The following HAUS3 variants were observed in gnomAD, a reference collection of about 807,000 sequenced individuals.
HAUS3 encodes the protein HAUS augmin like complex subunit 3.
HAUS3 carries 36 observed loss-of-function variants against 55.2 expected under a neutral mutation model. The observed-to-expected ratio is 0.65, with a 90% confidence interval of 0.50 to 0.86. HAUS3 has a LOEUF of 0.86. Ranked by LOEUF, HAUS3 falls within the 40% of genes least tolerant of loss-of-function variation. The pLI, the probability that HAUS3 is intolerant of heterozygous loss-of-function variation, is 0.00. For missense variants in HAUS3, 752 were observed against 671.5 expected (o/e 1.12, Z -1.33); for synonymous variants, 234 against 238.6 (o/e 0.98, Z 0.18).
In HAUS3 at chr4:2,236,297, C is replaced by T. The variant is rs2108778227; in HGVS notation, c.1509G>A (p.Arg503=). ...AQEHSFFLSK[R]NKDVDMLCDT... is the part of the protein sequence containing the mutation. The stretch of plus-strand genomic sequence containing the variant: ...CACAAAGCATGTCCACATCCTTATT[C>T]CGTTTGGACAGAAAGAAAGAATGTT... Residue 503 remains arginine, a synonymous_variant, in exon 5 of 6, where the codon CGG becomes CGA. Transcript: ENST00000443786. 6.2e-7 allele frequency: 1 copy of T among 1,613,696 alleles called. No individual in the cohort carries two copies. Among genetic ancestry groups the T allele is most frequent in the African/African-American group, 1.3e-5 (1 of 75,028 alleles).
rs749704441 is a variant in HAUS3, at chr4:2,240,627, T to G, written c.320A>C (p.Gln107Pro). 3 of 1,613,686 alleles carry G rather than the reference T, an allele frequency of 1.9e-6. No homozygotes were observed. Among genetic ancestry groups the G allele is most frequent in the Non-Finnish European group, 2.5e-6 (3 of 1,179,950 alleles). ...TAGGTTCTTTAATTTCAGTAGAGTT[T>G]GAACCTCATCCTCTAATTTCTCCAG... Reference protein sequence around the residue: ...KELEKLEDEVQTLLKLKNLKI... With the variant: ...KELEKLEDEVPTLLKLKNLKI... The change falls in exon 3 of 6, where the codon CAA becomes CCA. Residue 107 changes from glutamine to proline, a missense_variant. Gln to Pro is a moderately conservative substitution (Grantham distance 76). Transcript: ENST00000443786.
chr4:2,233,461 T>C (rs1192874899), intron 5 of HAUS3, among the ~76,000 whole-genome samples: 1 of 152,054 alleles, frequency 6.6e-6, no homozygotes, highest in Non-Finnish European at 1.5e-5. Flanking sequence ...TTTTAACATA[T>C]CTGAAATGAA....
intron 5 of HAUS3, among the ~76,000 whole-genome samples, chr4:2,235,444 A>T (rs1382714892): frequency 6.6e-6 from 1 of 152,266 alleles, no homozygotes; most frequent in Non-Finnish European, 1.5e-5. Context: ...CCATCATAGC[A>T]GTATGATCTA....
rs770333890 is a variant in HAUS3, at chr4:2,236,416, A to G, written c.1390T>C (p.Leu464=). 11 of 1,613,482 alleles carry G rather than the reference A, an allele frequency of 6.8e-6. No homozygotes were observed. Among genetic ancestry groups the G allele is most frequent in the Non-Finnish European group, 9.3e-6 (11 of 1,179,582 alleles). The change falls in exon 5 of 6, where the codon TTG becomes CTG. Residue 464 remains leucine, a synonymous_variant. Coordinates refer to ENST00000443786, the MANE Select transcript of HAUS3 (RefSeq NM_001303143.2). The part of the protein sequence containing the change: ...VLEGENKKKE[L]FLTHGNLEEV... Reference sequence around the variant, plus strand: ...TCAAGGTTTCCATGAGTTAGAAACAATTCTTTTTTCTTATTCTCTCCCTCC... The same window carrying G: ...TCAAGGTTTCCATGAGTTAGAAACAGTTCTTTTTTCTTATTCTCTCCCTCC...
In HAUS3 at chr4:2,240,445, C is replaced by G; in HGVS notation, c.502G>C (p.Ala168Pro). ...MITKISNELQ[A>P]LTDEVTQLMM... is the part of the protein sequence containing the mutation. ...AATTGTGTAACTTCATCAGTAAGAGCCTGAAGTTCATTACTGATCTTAGTG... is the reference window on the plus strand; with the variant it reads ...AATTGTGTAACTTCATCAGTAAGAGGCTGAAGTTCATTACTGATCTTAGTG... Residue 168 changes from alanine to proline, a missense_variant, in exon 3 of 6, where the codon GCT becomes CCT. By Grantham distance (27) the Ala-to-Pro change is conservative. Coordinates refer to ENST00000443786, the MANE Select transcript of HAUS3 (RefSeq NM_001303143.2). The G allele has an allele frequency of 6.2e-7, 1 of 1,613,842 alleles. No individual in the cohort carries two copies. The highest frequency in any genetic ancestry group is 1.1e-5 in the South Asian group (1 of 91,048).
In HAUS3 at chr4:2,232,062, A is replaced by C. The variant is rs1372963101; in HGVS notation, c.1677T>G (p.Thr559=). 2.5e-6 allele frequency: 4 copies of C among 1,590,358 alleles called. No homozygotes were observed. The highest frequency in any genetic ancestry group is 3.4e-6 in the Non-Finnish European group (4 of 1,162,510). Residue 559 remains threonine (T), a synonymous_variant, in exon 6 of 6, where the codon ACT becomes ACG. Transcript: ENST00000443786. ...ILADVKTKRK[T]LANNKLHQME... ...TTTGATGTAATTTATTATTTGCCAA[A>C]GTTTTTCTTTTTGTCTTCACATCAG...
intron 1 of HAUS3, 56 bp from the exon 2 acceptor site, chr4:2,241,846 G>A: frequency 2.0e-6 from 2 of 985,540 alleles, no homozygotes; most frequent in Non-Finnish European, 1.2e-6. Context: ...AGCTGCAGAA[G>A]ACGGGGGTGA....
rs1018286170 is a variant in HAUS3, at chr4:2,231,579, C to A, written c.*348G>T. The A allele has an allele frequency of 6.1e-6, 1 of 164,064 alleles. No homozygotes were observed. Among genetic ancestry groups the A allele is most frequent in the African/African-American group, 2.4e-5 (1 of 41,470 alleles). 10.2% of individuals were successfully genotyped at this position (164,064 alleles called of 1,614,324 possible). On this transcript the variant is annotated 3_prime_UTR_variant, in exon 6 of 6. Coordinates refer to ENST00000443786, the MANE Select transcript of HAUS3 (RefSeq NM_001303143.2). ...GTGCCACTGCATTCCAGCCTGGAGA[C>A]AGAGTGAGACTCTATCTCAAAAAAA... is the stretch of plus-strand genomic sequence containing the variant.
rs914715430 is a variant in HAUS3, at chr4:2,238,809, C to T, written c.1144G>A (p.Ala382Thr). The T allele has an allele frequency of 4.3e-6, 7 of 1,612,946 alleles. No individual in the cohort carries two copies. Among genetic ancestry groups the T allele is most frequent in the South Asian group, 1.1e-5 (1 of 91,064 alleles). The change falls in exon 4 of 6, where the codon GCA (alanine) becomes ACA (threonine). Residue 382 changes from alanine (A) to threonine (T), a missense_variant. By Grantham distance (58) the Ala-to-Thr change is moderately conservative (BLOSUM62 0). Transcript: ENST00000443786. ...GATAACTGTAGAAGTTCAAATGATG[C>T]CTTTTGTTTTATTAATTGATTTAAA... ...LVLNQLIKQK[A>T]SFELLQLSYE...
At chr4:2,236,097 T>C (rs1734754124) in intron 5 of HAUS3, 131 bp downstream of exon 5, 6 of 567,064 alleles carry the variant, frequency 1.1e-5, no homozygotes, top group Non-Finnish European at 1.9e-5. Flanking sequence ...AATTAGGAGA[T>C]ATAGAAATAT....
In HAUS3 at chr4:2,229,104, G is replaced by A. The variant is rs890126905; in HGVS notation, c.*2823C>T. 1.1e-5 allele frequency: 17 copies of A among 1,597,898 alleles called. No individual in the cohort carries two copies. Among genetic ancestry groups the A allele is most frequent in the South Asian group, 2.3e-5 (2 of 88,832 alleles). On this transcript the variant is annotated 3_prime_UTR_variant, in exon 6 of 6. Coordinates refer to ENST00000443786, the MANE Select transcript of HAUS3 (RefSeq NM_001303143.2). The stretch of plus-strand genomic sequence containing the variant: ...GGTTCATAAAAATTACTTACTCTCT[G>A]TACTCTTTCCCCAAGTCTTAGAATC...
At chr4:2,234,777 G>C (rs959249445) in intron 5 of HAUS3, among the ~76,000 whole-genome samples, 4 of 152,154 alleles carry the variant, frequency 2.6e-5, no homozygotes, top group Non-Finnish European at 5.9e-5. Context: ...TTGATTCACT[G>C]CAATTTAAAA....
Position 2,238,984 on chromosome 4 carries a change from T to A in HAUS3, c.969A>T (p.Lys323Asn). 1 of 1,580,562 alleles carries A rather than the reference T, an allele frequency of 6.3e-7. No homozygotes were observed. The highest frequency in any genetic ancestry group is 8.6e-7 in the Non-Finnish European group (1 of 1,168,294). Residue 323 changes from lysine (K) to asparagine (N), a missense_variant, in exon 4 of 6, where the codon AAA (lysine) becomes AAT (asparagine). By Grantham distance (94) the Lys-to-Asn change is moderately conservative. Transcript: ENST00000443786. ...TTATTTGAGTGACCTCTTTTTCAAG[T>A]TTCATAATCTCACTGGTCAAGCTAG... ...KISSLTSEIM[K>N]LEKEVTQIKD...
chr4:2,237,470 AAG>A (rs988599164), intron 4 of HAUS3, among the ~76,000 whole-genome samples: 4 of 151,752 alleles, frequency 2.6e-5, no homozygotes, highest in Non-Finnish European at 5.9e-5. Flanking sequence ...GAAGGGAAAG[AAG>A]AGAGAAAGAG....
At position 2,236,652 on chromosome 4, in the gene HAUS3, A is replaced by T. The variant is rs546202498; in HGVS notation, c.1350-196T>A. Reference sequence around the variant, plus strand: ...GGCGGGCAGATTGCCTGAGCTCAGGAGTTCGAGACCAGCCTGGGCAACATG... The same window carrying T: ...GGCGGGCAGATTGCCTGAGCTCAGGTGTTCGAGACCAGCCTGGGCAACATG... On this transcript the variant is annotated intron_variant, in intron 4 of 5. Coordinates refer to ENST00000443786, the MANE Select transcript of HAUS3 (RefSeq NM_001303143.2). Among the ~76,000 whole-genome samples, 14 of 152,134 alleles carry T rather than the reference A, an allele frequency of 9.2e-5. No individual in the cohort carries two copies. The East Asian group carries it at 2.7e-3, about 29-fold the overall frequency.
At chr4:2,234,836 A>G (rs773815384) in intron 5 of HAUS3, among the ~76,000 whole-genome samples, 3 of 152,196 alleles carry the variant, frequency 2.0e-5, no homozygotes, top group Non-Finnish European at 4.4e-5. Flanking sequence ...TATAACTTAT[A>G]AAATAGACTC....
Position 2,240,869 on chromosome 4 carries a change from G to T in HAUS3, c.78C>A (p.Asp26Glu). 1 of 1,611,488 alleles carries T rather than the reference G, an allele frequency of 6.2e-7. No homozygotes were observed. The highest frequency in any genetic ancestry group is 8.5e-7 in the Non-Finnish European group (1 of 1,179,734). ...YPKADNLNGE[D>E]FDWLFEGVED... ...CAACGCCCTCAAACAACCAGTCAAA[G>T]TCTTCTCCATTAAGATTATCAGCTT... The change falls in exon 3 of 6, where the codon GAC becomes GAA. Residue 26 changes from aspartate (D) to glutamate (E), a missense_variant. Coordinates refer to ENST00000443786, the MANE Select transcript of HAUS3 (RefSeq NM_001303143.2).
rs991847125 is a variant in HAUS3, at chr4:2,229,000, C to A, written c.*2927G>T. ...GAGTGTAAAAGGGGCGGGAGCTGGG[C>A]TTCATCTGTCTACATGCATTCCATT... On this transcript the variant is annotated 3_prime_UTR_variant, in exon 6 of 6. Transcript: ENST00000443786. 3.3e-6 allele frequency: 4 copies of A among 1,214,510 alleles called. No individual in the cohort carries two copies. The highest frequency in any genetic ancestry group is 2.5e-5 in the Admixed American group (1 of 40,346). 75.2% of individuals were successfully genotyped at this position (1,214,510 alleles called of 1,614,324 possible).
intron 5 of HAUS3, 151 bp from the exon 6 acceptor site, chr4:2,232,311 C>T: frequency 2.1e-6 from 1 of 478,982 alleles, no homozygotes; most frequent in Admixed American, 4.1e-5. Flanking sequence ...AAATCCATAA[C>T]AGGTTTAATA....
Sources: gnomAD v4.1 joint callset for allele counts (sites outside exome capture counted in the v4.1 genomes callset) on GRCh38, gnomAD v4.1.1 for gene constraint, MANE v1.5 for transcripts, NCBI Gene and HGNC (gene_info 2026-07-23, HGNC 2026-07-21) for gene names.